The following CSMD1 variants were observed in gnomAD, a reference collection of about 807,000 sequenced individuals.
The protein encoded by CSMD1 is CUB and Sushi multiple domains 1.
CSMD1 carries 213 observed loss-of-function variants against 417.5 expected under a neutral mutation model. That is an observed-to-expected ratio of 0.51 (90% confidence interval 0.46 to 0.57). The LOEUF is 0.57. Among genes scored for constraint, CSMD1 ranks in the 20% least tolerant of loss-of-function variants. The probability of loss-of-function intolerance (pLI) is 0.00; values close to 1 mark genes in which losing one functional copy is unlikely to be tolerated. For synonymous variants in CSMD1, 2,862 were observed against 1,736.8 expected (o/e 1.65, Z -16.11); for missense variants, 6,923 against 4,529.7 (o/e 1.53, Z -15.17).
chr8:4,848,314 G>C (rs1417176448), intron 1 of CSMD1, among the ~76,000 whole-genome samples: 1 of 152,166 alleles, frequency 6.6e-6, no homozygotes, highest in Non-Finnish European at 1.5e-5. Context: ...ATACAGTCAT[G>C]TGCTGGATAA....
chr8:3,142,144 A>C (rs1349395409), intron 41 of CSMD1, among the ~76,000 whole-genome samples: 2 of 152,148 alleles, frequency 1.3e-5, no homozygotes, highest in East Asian at 3.9e-4. Context: ...GGGGAGACTG[A>C]ATTGAGTCAC....
At chr8:4,392,898 G>C (rs904307509) in intron 3 of CSMD1, among the ~76,000 whole-genome samples, 4 of 151,918 alleles carry the variant, frequency 2.6e-5, no homozygotes, top group African/African-American at 9.7e-5. Flanking sequence ...GAACCCAGGA[G>C]ACGGAGCTTG....
chr8:3,874,573 G>T (rs1253938005), intron 5 of CSMD1, among the ~76,000 whole-genome samples: 1 of 152,150 alleles, frequency 6.6e-6, no homozygotes, highest in Admixed American at 6.6e-5. Flanking sequence ...CTGCCTCTGT[G>T]ATGGAGATCT....
chr8:3,776,281 G>A (rs985614048), intron 5 of CSMD1, among the ~76,000 whole-genome samples: 4 of 152,096 alleles, frequency 2.6e-5, no homozygotes, highest in Non-Finnish European at 5.9e-5. Context: ...TCTATTCTCA[G>A]AACACTGTCC....
At chr8:3,791,319 T>C (rs1399599853) in intron 5 of CSMD1, among the ~76,000 whole-genome samples, 2 of 152,188 alleles carry the variant, frequency 1.3e-5, no homozygotes, top group African/African-American at 2.4e-5. Flanking sequence ...TGAATTTAAG[T>C]ATAGTAGAAT....
intron 3 of CSMD1, among the ~76,000 whole-genome samples, chr8:4,198,390 G>A (rs980090819): frequency 1.3e-5 from 2 of 152,232 alleles, no homozygotes; most frequent in African/African-American, 2.4e-5. Flanking sequence ...GTGATGGACA[G>A]AGACTTTTCA....
At chr8:4,190,930 A>G (rs1171018751) in intron 3 of CSMD1, among the ~76,000 whole-genome samples, 1 of 149,850 alleles carries the variant, frequency 6.7e-6, no homozygotes. Flanking sequence ...GGTGAACGAC[A>G]CAAACTGCGG....
chr8:3,969,304 G>C (rs1009500492), intron 5 of CSMD1, among the ~76,000 whole-genome samples: 1 of 152,134 alleles, frequency 6.6e-6, no homozygotes, highest in Admixed American at 6.5e-5. Flanking sequence ...GCTGGGTGGA[G>C]AAAGGGCTTC....
At chr8:3,031,256 T>A (rs760352833) in intron 50 of CSMD1, among the ~76,000 whole-genome samples, 1 of 138,742 alleles carries the variant, frequency 7.2e-6, no homozygotes, top group Admixed American at 8.5e-5. Flanking sequence ...TAGGTGGGAA[T>A]TGAACAACAA....
At chr8:4,750,596 G>A (rs1355915607) in intron 1 of CSMD1, among the ~76,000 whole-genome samples, 1 of 152,046 alleles carries the variant, frequency 6.6e-6, no homozygotes, top group East Asian at 1.9e-4. Context: ...TGAGTGGTTC[G>A]TGATCCAGCA....
chr8:3,546,756 T>C (rs1026313804), intron 10 of CSMD1, among the ~76,000 whole-genome samples: 5 of 152,170 alleles, frequency 3.3e-5, no homozygotes, highest in Non-Finnish European at 7.4e-5. Context: ...GCCTGCACAG[T>C]TGTGTTTCAT....
chr8:3,708,956 C>A (rs545906483), intron 6 of CSMD1, among the ~76,000 whole-genome samples: 9 of 152,204 alleles, frequency 5.9e-5, no homozygotes, highest in African/African-American at 2.2e-4. Flanking sequence ...TTTAGCGAAT[C>A]TGTGTGGGTG....
intron 8 of CSMD1, among the ~76,000 whole-genome samples, chr8:3,596,016 C>T (rs1010657624): frequency 2.0e-5 from 3 of 151,946 alleles, no homozygotes; most frequent in African/African-American, 7.3e-5. Context: ...TTTATCAGGG[C>T]TTTGAGGAGA....
intron 3 of CSMD1, among the ~76,000 whole-genome samples, chr8:4,373,805 G>A (rs543348533): frequency 1.1e-4 from 16 of 152,200 alleles, no homozygotes; most frequent in South Asian, 2.1e-4. Context: ...TGTTATAGTC[G>A]TCAAAGCCTG....
chr8:4,819,609 CT>C (rs1799405841), intron 1 of CSMD1, among the ~76,000 whole-genome samples: 1 of 152,134 alleles, frequency 6.6e-6, no homozygotes, highest in African/African-American at 2.4e-5. Context: ...AAATTTTCTC[CT>C]TTTAAGATTG....
intron 5 of CSMD1, among the ~76,000 whole-genome samples, chr8:3,967,134 A>G (rs1812728295): frequency 6.6e-6 from 1 of 151,528 alleles, no homozygotes; most frequent in Non-Finnish European, 1.5e-5. Context: ...AATTTTGTCT[A>G]TTTGCATCTT....
chr8:3,399,583 A>G (rs919636960), intron 15 of CSMD1, 54 bp from the exon 16 acceptor site: 1 of 1,389,656 alleles, frequency 7.2e-7, no homozygotes, highest in Non-Finnish European at 9.7e-7. Flanking sequence ...AGGATATGCC[A>G]TAACAATACC....
intron 8 of CSMD1, among the ~76,000 whole-genome samples, chr8:3,612,537 G>T (rs1275665267): frequency 6.6e-6 from 1 of 152,222 alleles, no homozygotes; most frequent in East Asian, 1.9e-4. Flanking sequence ...CATTTACCAA[G>T]ATAGAGCATA....
intron 3 of CSMD1, among the ~76,000 whole-genome samples, chr8:4,098,943 T>A (rs191672081): frequency 6.6e-6 from 1 of 152,054 alleles, no homozygotes. Flanking sequence ...ACAGAAAAAA[T>A]GTTAAAACTG....
Sources: allele counts gnomAD v4.1 joint callset (sites outside exome capture counted in the v4.1 genomes callset), GRCh38; gene constraint gnomAD v4.1.1; transcripts MANE v1.5; gene names NCBI Gene and HGNC (gene_info 2026-07-23, HGNC 2026-07-21).